The following COL24A1 variants were observed in gnomAD, a reference collection of about 807,000 sequenced individuals.
The protein encoded by COL24A1 is collagen type XXIV alpha 1 chain.
COL24A1 carries 224 observed loss-of-function variants against 253.9 expected under a neutral mutation model. The ratio of observed to expected loss-of-function variants is 0.88; its 90% CI spans 0.79 to 0.99. The LOEUF (loss-of-function observed/expected upper bound fraction) is 0.99. Ranked by LOEUF, COL24A1 falls within the 50% of genes least tolerant of loss-of-function variation. The probability of loss-of-function intolerance (pLI) is 0.00; values close to 1 mark genes in which losing one functional copy is unlikely to be tolerated. For missense variants in COL24A1, 2,131 were observed against 2,068.5 expected, an observed-to-expected ratio of 1.03 and a Z score of -0.59; for synonymous variants, 685 against 673.7, an observed-to-expected ratio of 1.02 and a Z score of -0.26.
intron 5 of COL24A1, among the ~76,000 whole-genome samples, chr1:86,111,872 G>A (rs1279958942): frequency 2.0e-5 from 3 of 152,122 alleles, no homozygotes; most frequent in African/African-American, 7.2e-5. Flanking sequence ...AACGTCTGCA[G>A]CTTCACTCCT....
chr1:86,084,998 C>T (rs955434303), intron 7 of COL24A1, among the ~76,000 whole-genome samples: 1 of 152,158 alleles, frequency 6.6e-6, no homozygotes, highest in African/African-American at 2.4e-5. Flanking sequence ...AATAATAAGC[C>T]AGTGAGAGAT....
Position 86,063,817 on chromosome 1 carries a change from C to T in COL24A1, c.1708-58G>A, listed in dbSNP as rs41302800. ...AAGTAAACTCATATAAGCCAAATAA[C>T]GAAACATAGGTTGCAAGTTGCCTTA... is the stretch of plus-strand genomic sequence containing the variant. On this transcript the variant is annotated intron_variant, in intron 7 of 59. Transcript: ENST00000370571. The T allele has an allele frequency of 1.2e-3, 1,585 of 1,306,950 alleles. 3 individuals carry two copies. Among genetic ancestry groups the T allele is most frequent in the Middle Eastern group, 1.8e-3 (9 of 5,094 alleles). The allele number at this position is 1,306,950 out of a possible 1,614,324, so 81.0% of individuals were successfully genotyped here. A position where few individuals can be genotyped will look rare whatever the true frequency, so the allele number is the denominator to read the frequency against.
chr1:85,881,115 A>G (rs531954865), intron 32 of COL24A1, among the ~76,000 whole-genome samples: 7 of 152,190 alleles, frequency 4.6e-5, no homozygotes, highest in Non-Finnish European at 8.8e-5. Flanking sequence ...AATTGGTATC[A>G]TATGTTCTTT....
chr1:85,867,864 C>T (rs1679973298), intron 37 of COL24A1, among the ~76,000 whole-genome samples: 1 of 152,160 alleles, frequency 6.6e-6, no homozygotes, highest in South Asian at 2.1e-4. Context: ...CCTGCCTCAG[C>T]CTCCTGAGTA....
At chr1:85,856,845 CAA>C (rs1678489765) in intron 37 of COL24A1, among the ~76,000 whole-genome samples, 2 of 152,012 alleles carry the variant, frequency 1.3e-5, no homozygotes. Context: ...TCCTTGTTTC[CAA>C]CTTTTAACAT....
intron 14 of COL24A1, among the ~76,000 whole-genome samples, chr1:86,025,076 T>C (rs1166857627): frequency 2.0e-5 from 3 of 152,148 alleles, no homozygotes; most frequent in Non-Finnish European, 4.4e-5. Context: ...TTGAATACTA[T>C]GGAATTGAAA....
At chr1:85,828,415 G>A (rs1395926118) in intron 43 of COL24A1, among the ~76,000 whole-genome samples, 4 of 151,330 alleles carry the variant, frequency 2.6e-5, no homozygotes, top group Admixed American at 6.6e-5. Flanking sequence ...TTGGGGTGGA[G>A]AGTTCTGTAG....
chr1:86,057,864 T>C (rs1700775121), intron 10 of COL24A1, 67 bp downstream of exon 10: 1 of 1,383,332 alleles, frequency 7.2e-7, no homozygotes, highest in East Asian at 2.3e-5. Context: ...AAATGCTAAG[T>C]GTTTTATATA....
chr1:85,838,672 C>T, intron 42 of COL24A1, 34 bp from the exon 43 acceptor site: 5 of 1,601,660 alleles, frequency 3.1e-6, no homozygotes, highest in Non-Finnish European at 4.3e-6. Flanking sequence ...ATCAGTTTTA[C>T]AGCTGGATCA....
At chr1:85,887,014 A>G (rs1480394676) in intron 32 of COL24A1, among the ~76,000 whole-genome samples, 1 of 152,152 alleles carries the variant, frequency 6.6e-6, no homozygotes, top group East Asian at 1.9e-4. Flanking sequence ...GTGAAGTTTT[A>G]TTATACACTT....
At chr1:86,054,183 A>C (rs1213126504) in intron 10 of COL24A1, among the ~76,000 whole-genome samples, 2 of 152,126 alleles carry the variant, frequency 1.3e-5, no homozygotes, top group Non-Finnish European at 2.9e-5. Context: ...TAAGACCTCA[A>C]ACTATAATCC....
chr1:85,868,539 A>G lies in COL24A1; in HGVS notation c.3280T>C (p.Ser1094Pro). 1 of 1,613,768 alleles carries G rather than the reference A, an allele frequency of 6.2e-7. No homozygotes were observed. The highest frequency in any genetic ancestry group is 8.5e-7 in the Non-Finnish European group (1 of 1,179,778). Residue 1094 changes from serine (S) to proline (P), a missense_variant, in exon 37 of 60, where the codon TCA (serine) becomes CCA (proline). Physicochemically the swap from Ser to Pro is moderately conservative, Grantham distance 74. Coordinates refer to ENST00000370571, the MANE Select transcript of COL24A1 (RefSeq NM_152890.7). ...LPGIIGPLGR[S>P]GQTGLPGPEG... ...CTTACCGGAAGGCCTGTTTGGCCTG[A>G]TCTACCCAAGGGTCCTATAATTCCT...
chr1:85,902,669 G>A (rs1363076873), intron 28 of COL24A1, among the ~76,000 whole-genome samples: 2 of 152,108 alleles, frequency 1.3e-5, no homozygotes, highest in Non-Finnish European at 2.9e-5. Flanking sequence ...GTGATCTCTG[G>A]CTGCCCTACA....
At chr1:86,000,221 T>A (rs17405131) in intron 19 of COL24A1, among the ~76,000 whole-genome samples, 1 of 152,002 alleles carries the variant, frequency 6.6e-6, no homozygotes, top group Non-Finnish European at 1.5e-5. Flanking sequence ...TATGTTAATC[T>A]ATCTCTACTA....
intron 24 of COL24A1, among the ~76,000 whole-genome samples, chr1:85,926,137 C>A (rs959986989): frequency 2.2e-4 from 33 of 151,942 alleles, no homozygotes; most frequent in Middle Eastern, 3.4e-3. Context: ...ACCAGCTCAC[C>A]CCAGTTAGAA....
chr1:86,099,097 C>A (rs1427647454), intron 5 of COL24A1, among the ~76,000 whole-genome samples: 1 of 152,056 alleles, frequency 6.6e-6, no homozygotes, highest in Non-Finnish European at 1.5e-5. Flanking sequence ...GGTTAAATTC[C>A]ACCAGTATGT....
intron 32 of COL24A1, among the ~76,000 whole-genome samples, chr1:85,878,855 C>T (rs1045432915): frequency 1.3e-5 from 2 of 152,144 alleles, no homozygotes; most frequent in African/African-American, 2.4e-5. Flanking sequence ...CATATTTTTA[C>T]ATTCTTCTAT....
intron 53 of COL24A1, among the ~76,000 whole-genome samples, chr1:85,761,825 G>A (rs1185449394): frequency 6.6e-6 from 1 of 152,050 alleles, no homozygotes; most frequent in Non-Finnish European, 1.5e-5. Flanking sequence ...TATTATAAAT[G>A]TAACATTTTA....
intron 32 of COL24A1, among the ~76,000 whole-genome samples, chr1:85,881,783 GTTGA>G (rs1681875701): frequency 1.3e-5 from 2 of 152,030 alleles, no homozygotes; most frequent in African/African-American, 2.4e-5. Context: ...CTGGCCTGAG[GTTGA>G]TTAATTTTGG....
Sources: allele counts gnomAD v4.1 joint callset (sites outside exome capture counted in the v4.1 genomes callset), GRCh38; gene constraint gnomAD v4.1.1; transcripts MANE v1.5; gene names NCBI Gene and HGNC (gene_info 2026-07-23, HGNC 2026-07-21).